CACNA1A: variants seen among roughly 807,000 people sequenced by gnomAD.
CACNA1A encodes the protein calcium voltage-gated channel subunit alpha1 A, also known as voltage-dependent P/Q-type calcium channel subunit alpha-1A.
In CACNA1A, 57 loss-of-function variants were observed where a neutral mutation model predicts 262.4. The observed-to-expected ratio is 0.22, with a 90% CI of 0.18 to 0.27. The LOEUF is 0.27. CACNA1A is among the 10% of genes least tolerant of loss of function. The pLI is 1.00. For synonymous variants in CACNA1A, 1,431 were observed against 1,419.3 expected, an observed-to-expected ratio of 1.01 and a Z score of -0.18; for missense variants, 2,526 against 3,562.8, an observed-to-expected ratio of 0.71 and a Z score of 7.41.
intron 3 of CACNA1A, 55 bp from the exon 4 acceptor site, chr19:13,371,834 G>T: frequency 7.7e-7 from 1 of 1,298,944 alleles, no homozygotes; most frequent in Non-Finnish European, 1.1e-6. Flanking sequence ...GGGTCAGACA[G>T]CAGGGCGGGG....
chr19:13,381,095 C>G (rs145669884), intron 3 of CACNA1A, among the ~76,000 whole-genome samples: 1 of 152,084 alleles, frequency 6.6e-6, no homozygotes, highest in Admixed American at 6.6e-5. Flanking sequence ...CTAAGAAGAT[C>G]GTAGACCTGC....
At chr19:13,488,390 CTT>C (rs34348281) in intron 1 of CACNA1A, among the ~76,000 whole-genome samples, 8 of 77,632 alleles carry the variant, frequency 1.0e-4, no homozygotes, top group Middle Eastern at 6.8e-3. Context: ...TTTTTCTTTT[CTT>C]TTTTTTTTTT....
At chr19:13,382,124 C>G (rs2059534011) in intron 3 of CACNA1A, among the ~76,000 whole-genome samples, 1 of 152,042 alleles carries the variant, frequency 6.6e-6, no homozygotes, top group South Asian at 2.1e-4. Flanking sequence ...TAGGGAGAGA[C>G]CACACCAATG....
rs1555755916 is a variant in CACNA1A, at chr19:13,298,724, T to C, written c.2909A>G (p.Glu970Gly). 6.7e-7 allele frequency: 1 copy of C among 1,498,458 alleles called. No homozygotes were observed. Among genetic ancestry groups the C allele is most frequent in the Non-Finnish European group, 8.9e-7 (1 of 1,128,652 alleles). The allele number at this position is 1,498,458 out of a possible 1,614,324, so 92.8% of individuals were successfully genotyped here. A position where few individuals can be genotyped will look rare whatever the true frequency, so the allele number is the denominator to read the frequency against. Reference sequence around the variant, plus strand: ...CCGCGCCCTCCGCTCCGCCTTGTCCTCCGGACCCTCCTCCCCGGGCCTGCG... The same window carrying C: ...CCGCGCCCTCCGCTCCGCCTTGTCCCCCGGACCCTCCTCCCCGGGCCTGCG... ...AHRRPGEEGP[E>G]DKAERRARHR... The change falls in exon 19 of 47, where the codon GAG becomes GGG. Residue 970 changes from glutamate to glycine, a missense_variant. Glu to Gly is a moderately conservative substitution (Grantham distance 98). This residue lies in a region of CACNA1A where 765 missense variants were observed against 748.6 expected (regional missense o/e 1.02). Transcript: ENST00000360228.
At chr19:13,217,462 A>G (rs1337552863) in intron 38 of CACNA1A, among the ~76,000 whole-genome samples, 1 of 152,190 alleles carries the variant, frequency 6.6e-6, no homozygotes, top group Non-Finnish European at 1.5e-5. Flanking sequence ...GCATCTGCTC[A>G]AAGGGCTGCC....
intron 6 of CACNA1A, among the ~76,000 whole-genome samples, chr19:13,357,122 G>A (rs761456047): frequency 5.3e-5 from 8 of 152,074 alleles, no homozygotes; most frequent in Non-Finnish European, 8.8e-5. Context: ...CAACTAAAAC[G>A]GGCCTTTGTT....
chr19:13,209,403 G>A lies in CACNA1A; in HGVS notation c.6435C>T (p.Pro2145=), dbSNP rs1456597171. ...LDDYSLERVP[P]EENQRHHQRR... is the part of the protein sequence containing the mutation. ...GCTGGTGGTGCCGCTGGTTCTCCTC[G>A]GGCGGGACCCGCTCCAGCGAGTAAT... Residue 2145 remains proline, a synonymous_variant, in exon 45 of 47, where the codon CCC becomes CCT. Transcript: ENST00000360228. 7.9e-6 allele frequency: 11 copies of A among 1,399,894 alleles called. No individual in the cohort carries two copies. The highest frequency in any genetic ancestry group is 2.8e-5 in the East Asian group (1 of 36,360). 86.7% of individuals were successfully genotyped at this position (1,399,894 alleles called of 1,614,324 possible). A position where few individuals can be genotyped will look rare whatever the true frequency, so the allele number is the denominator to read the frequency against.
chr19:13,377,046 G>C (rs1286814806), intron 3 of CACNA1A, among the ~76,000 whole-genome samples: 1 of 151,800 alleles, frequency 6.6e-6, no homozygotes, highest in Non-Finnish European at 1.5e-5. Context: ...TGCAACCTCT[G>C]ACTCCCAGGT....
Position 13,257,515 on chromosome 19 carries a change from G to T in CACNA1A, c.4425C>A (p.Asn1475Lys). Residue 1475 changes from asparagine to lysine, a missense_variant, in exon 28 of 47, where the codon AAC (asparagine) becomes AAA (lysine). By Grantham distance (94) the Asn-to-Lys change is moderately conservative (BLOSUM62 0). Around this residue, in one of 17 missense-constraint regions of CACNA1A, gnomAD observed 137 missense variants for 377.7 expected, o/e 0.36. Coordinates refer to ENST00000360228, the MANE Select transcript of CACNA1A (RefSeq NM_001127222.2). ...TGCGGTACCCGGGGCTGGGGCCCTG[G>T]TTCTCAAAGGTGGCGTCCACCGAAT... ...LKHSVDATFENQGPSPGYRME... is the reference protein window; with the variant it reads ...LKHSVDATFEKQGPSPGYRME... 6.3e-7 allele frequency: 1 copy of T among 1,596,950 alleles called. No individual in the cohort carries two copies. Among genetic ancestry groups the T allele is most frequent in the South Asian group, 1.1e-5 (1 of 88,988 alleles).
intron 1 of CACNA1A, 29 bp downstream of exon 1, chr19:13,505,903 C>G (rs2145191994): frequency 6.2e-7 from 1 of 1,603,384 alleles, no homozygotes; most frequent in Middle Eastern, 1.7e-4. Context: ...GGAGGCGCAG[C>G]TGCTGCTGGG....
intron 3 of CACNA1A, among the ~76,000 whole-genome samples, chr19:13,382,802 C>A (rs1256487516): frequency 1.3e-5 from 2 of 152,160 alleles, no homozygotes; most frequent in Non-Finnish European, 2.9e-5. Flanking sequence ...TATATAGCTG[C>A]CATTGATTGC....
At chr19:13,442,870 A>G (rs1173886440) in intron 3 of CACNA1A, among the ~76,000 whole-genome samples, 1 of 152,184 alleles carries the variant, frequency 6.6e-6, no homozygotes, top group African/African-American at 2.4e-5. Flanking sequence ...GCTCTATTCA[A>G]ATTCTCAAGT....
intron 36 of CACNA1A, chr19:13,228,959 G>T: frequency 2.4e-6 from 1 of 424,262 alleles, no homozygotes; most frequent in Non-Finnish European, 4.2e-6. Context: ...ACACTGGGGA[G>T]ACCCAGGGGT....
chr19:13,229,120 A>T (rs2055577357), intron 36 of CACNA1A: 2 of 178,068 alleles, frequency 1.1e-5, no homozygotes, highest in Non-Finnish European at 2.4e-5. Context: ...TGTGACCTAA[A>T]ATCAAAAGAG....
At chr19:13,210,387 A>AG (rs894599733) in intron 44 of CACNA1A, among the ~76,000 whole-genome samples, 51 of 151,360 alleles carry the variant, frequency 3.4e-4, no homozygotes, top group Non-Finnish European at 6.3e-4. Context: ...CCTGAAGAAA[A>AG]GGGGGTAGGG....
rs778454429 is a variant in CACNA1A, at chr19:13,307,812, A to C, written c.1956T>G (p.Thr652=). Residue 652 remains threonine (T), a synonymous_variant, in exon 15 of 47, where the codon ACT becomes ACG. Coordinates refer to ENST00000360228, the MANE Select transcript of CACNA1A (RefSeq NM_001127222.2). ...DEGTPPTNFD[T]FPAAIMTVFQ... is the part of the protein sequence containing the mutation. ...ACACCGTCATTATTGCTGCTGGAAA[A>C]GTATCGAAGTTGGTGGGAGGAGTCC... is the stretch of plus-strand genomic sequence containing the variant. The C allele has an allele frequency of 3.1e-6, 5 of 1,613,902 alleles. No homozygotes were observed. Among genetic ancestry groups the C allele is most frequent in the Non-Finnish European group, 4.2e-6 (5 of 1,179,894 alleles).
chr19:13,300,692 G>T (rs2057769516), intron 17 of CACNA1A, 36 bp from the exon 18 acceptor site: 1 of 1,540,320 alleles, frequency 6.5e-7, no homozygotes, highest in East Asian at 2.2e-5. Flanking sequence ...CACAAAACAT[G>T]AACTAGGCCT....
At chr19:13,277,219 G>T in intron 22 of CACNA1A, 91 bp from the exon 23 acceptor site, 1 of 862,112 alleles carries the variant, frequency 1.2e-6, no homozygotes. Flanking sequence ...GGGGAGCAGA[G>T]TTTCTACCCA....
chr19:13,264,181 G>A (rs992889155), intron 24 of CACNA1A, among the ~76,000 whole-genome samples: 1 of 152,102 alleles, frequency 6.6e-6, no homozygotes, highest in Non-Finnish European at 1.5e-5. Context: ...CAAGAGGAGG[G>A]TATTGAGTGG....
Sources: allele counts gnomAD v4.1 joint callset (sites outside exome capture counted in the v4.1 genomes callset), GRCh38; gene constraint gnomAD v4.1.1; regional missense constraint gnomAD v4.1.1; transcripts MANE v1.5; gene names NCBI Gene and HGNC (gene_info 2026-07-23, HGNC 2026-07-21).